DPY19L2: variants seen among roughly 807,000 people sequenced by gnomAD.
DPY19L2 encodes dpy-19 like 2.
Under a neutral mutation model 97.9 loss-of-function variants are expected in DPY19L2, and 34 were observed. The observed-to-expected ratio is 0.35, with a 90% CI of 0.26 to 0.46. DPY19L2 has a LOEUF of 0.46. DPY19L2 is among the 20% of genes least tolerant of loss of function. The pLI, the probability that DPY19L2 is intolerant of heterozygous loss-of-function variation, is 1.00. For missense variants in DPY19L2, 623 were observed against 911.4 expected (o/e 0.68, Z 4.07); for synonymous variants, 230 against 307.9 (o/e 0.75, Z 2.65).
At chr12:63,572,733 AAGAG>A (rs199874224) in intron 19 of DPY19L2, among the ~76,000 whole-genome samples, 1 of 151,560 alleles carries the variant, frequency 6.6e-6, no homozygotes, top group Admixed American at 6.6e-5. Flanking sequence ...AGCACAGAGA[AAGAG>A]AGAGAGAGAG....
At chr12:63,600,224 G>A in intron 13 of DPY19L2, 82 bp downstream of exon 13, 3 of 1,155,154 alleles carry the variant, frequency 2.6e-6, no homozygotes, top group Non-Finnish European at 3.9e-6. Flanking sequence ...GTAAAATGAA[G>A]AGATAAGAAT....
At chr12:63,592,095 G>GAGAAAAC (rs2137472677) in intron 16 of DPY19L2, among the ~76,000 whole-genome samples, 2 of 117,330 alleles carry the variant, frequency 1.7e-5, no homozygotes, top group African/African-American at 6.7e-5. Context: ...CAAGAGAAAA[G>GAGAAAAC]AGAAAAGAAA....
chr12:63,661,642 C>T (rs376648492), intron 3 of DPY19L2, among the ~76,000 whole-genome samples, 161 bp from the exon 4 acceptor site: 2 of 150,482 alleles, frequency 1.3e-5, no homozygotes, highest in East Asian at 2.0e-4. Context: ...TTAAAGAACA[C>T]GTATTTTCAG....
intron 7 of DPY19L2, among the ~76,000 whole-genome samples, 190 bp downstream of exon 7, chr12:63,626,279 T>G (rs914239192): frequency 1.2e-4 from 18 of 151,840 alleles, no homozygotes; most frequent in African/African-American, 4.1e-4. Flanking sequence ...GCAAGAGATT[T>G]CATGTTTGAA....
intron 14 of DPY19L2, 130 bp from the exon 15 acceptor site, chr12:63,596,167 A>G (rs1185946063): frequency 9.3e-6 from 5 of 538,620 alleles, no homozygotes; most frequent in Non-Finnish European, 1.5e-5. Context: ...TGTCATCAGC[A>G]GAATATATAT....
chr12:63,643,595 T>A (rs1456393203), intron 6 of DPY19L2, among the ~76,000 whole-genome samples: 3 of 152,204 alleles, frequency 2.0e-5, no homozygotes, highest in Admixed American at 2.0e-4. Context: ...TTGTTTATTG[T>A]ATCATTCAAC....
intron 4 of DPY19L2, among the ~76,000 whole-genome samples, chr12:63,659,602 T>A (rs1344881655): frequency 6.6e-6 from 1 of 151,966 alleles, no homozygotes; most frequent in East Asian, 1.9e-4. Context: ...ATCAAGACAG[T>A]GTGGTATTGG....
intron 21 of DPY19L2, among the ~76,000 whole-genome samples, chr12:63,568,332 T>G (rs952528855): frequency 4.6e-5 from 7 of 152,024 alleles, no homozygotes; most frequent in Admixed American, 2.0e-4. Flanking sequence ...AGAATTTCCG[T>G]GGGGGCTGGA....
intron 6 of DPY19L2, among the ~76,000 whole-genome samples, chr12:63,640,339 T>C (rs556358932): frequency 6.4e-4 from 98 of 152,268 alleles, no homozygotes; most frequent in Non-Finnish European, 1.2e-3. Context: ...ACCCTAGAAC[T>C]TAAAGTATAA....
At chr12:63,569,779 T>C (rs1039937840) in intron 20 of DPY19L2, among the ~76,000 whole-genome samples, 9 of 152,122 alleles carry the variant, frequency 5.9e-5, no homozygotes, top group Admixed American at 1.3e-4. Context: ...AGTAGAACAC[T>C]TAGACAATGG....
intron 12 of DPY19L2, among the ~76,000 whole-genome samples, chr12:63,604,998 A>G (rs1282195097): frequency 6.6e-6 from 1 of 152,048 alleles, no homozygotes; most frequent in African/African-American, 2.4e-5. Context: ...CTTTGTTTTT[A>G]GGTTTATCAC....
chr12:63,626,664 T>C (rs1271940087), intron 6 of DPY19L2, 138 bp from the exon 7 acceptor site: 45 of 1,165,310 alleles, frequency 3.9e-5, no homozygotes, highest in Non-Finnish European at 4.8e-5. Context: ...ACCATACCCA[T>C]GTGGTTGAAG....
chr12:63,668,091 C>A lies in DPY19L2; in HGVS notation c.303G>T (p.Ala101=). The change falls in exon 1 of 22, where the codon GCG becomes GCT. Residue 101 remains alanine, a synonymous_variant. Coordinates refer to ENST00000324472, the MANE Select transcript of DPY19L2 (RefSeq NM_173812.5). ...QLREKVQELQ[A]RRFSSRTTLG... The stretch of plus-strand genomic sequence containing the variant: ...GAGTGGTTCTGCTGGAGAACCGCCG[C>A]GCCTGCAGTTCCTGCACCTTTTCCC... The A allele has an allele frequency of 1.2e-5, 19 of 1,614,062 alleles. No homozygotes were observed. Among genetic ancestry groups the A allele is most frequent in the Non-Finnish European group, 1.6e-5 (19 of 1,179,984 alleles).
chr12:63,641,012 C>A (rs2062408236), intron 6 of DPY19L2, among the ~76,000 whole-genome samples: 1 of 152,108 alleles, frequency 6.6e-6, no homozygotes. Flanking sequence ...CCTGCCTCAG[C>A]CTCCCGAGTA....
At chr12:63,573,132 G>A (rs1163684094) in intron 19 of DPY19L2, among the ~76,000 whole-genome samples, 1 of 152,104 alleles carries the variant, frequency 6.6e-6, no homozygotes, top group Non-Finnish European at 1.5e-5. Context: ...ATCCTGGACA[G>A]ACAGAGATAT....
At chr12:63,585,840 G>A (rs1320567309) in intron 16 of DPY19L2, among the ~76,000 whole-genome samples, 1 of 152,112 alleles carries the variant, frequency 6.6e-6, no homozygotes, top group African/African-American at 2.4e-5. Context: ...AGAAGTTTAA[G>A]AGGATAATGC....
rs529926664 is a variant in DPY19L2 at position 63,565,766 on chromosome 12, T to G, written c.2126+3458A>C. On this transcript the variant is annotated intron_variant, in intron 21 of 21. Transcript: ENST00000324472. ...CTTCATCTCCCTTTTCCACTTCTTC[T>G]GCCTTATTTTGGATTGAGTGATTTT... Among the ~76,000 whole-genome samples the G allele has an allele frequency of 3.3e-5, 5 of 152,264 alleles. No individual in the cohort carries two copies. In the South Asian group the frequency reaches 1.0e-3, roughly 32 times the overall value.
intron 5 of DPY19L2, among the ~76,000 whole-genome samples, chr12:63,644,920 T>C (rs1253329526): frequency 2.0e-5 from 3 of 152,198 alleles, no homozygotes; most frequent in African/African-American, 7.2e-5. Flanking sequence ...ACTTAATGAA[T>C]ACAAAAGAAA....
chr12:63,580,732 G>A lies in DPY19L2; in HGVS notation c.1830C>T (p.Ser610=), dbSNP rs1880720784. ...QGYANLRNQW[S]IIGEFNNLPQ... ...GCAAATTATTAAATTCTCCTATTAT[G>A]CTCCATTGATTACGGAGGTTTGCAT... The change falls in exon 19 of 22, where the codon AGC becomes AGT. Residue 610 remains serine (S), a synonymous_variant. Coordinates refer to ENST00000324472, the MANE Select transcript of DPY19L2 (RefSeq NM_173812.5). 1 of 1,613,386 alleles carries A rather than the reference G, an allele frequency of 6.2e-7. No homozygotes were observed. The highest frequency in any genetic ancestry group is 8.5e-7 in the Non-Finnish European group (1 of 1,179,602).
Sources: gnomAD v4.1 joint callset for allele counts (sites outside exome capture counted in the v4.1 genomes callset) on GRCh38, gnomAD v4.1.1 for gene constraint, MANE v1.5 for transcripts, NCBI Gene and HGNC (gene_info 2026-07-23, HGNC 2026-07-21) for gene names.